SAMD3: variants seen among roughly 807,000 people sequenced by gnomAD.
SAMD3 encodes the protein sterile alpha motif domain-containing protein 3.
Under a neutral mutation model 58.5 loss-of-function variants are expected in SAMD3, and 63 were observed. That is an observed-to-expected ratio of 1.08 (90% confidence interval 0.88 to 1.33). The LOEUF is 1.33. Among genes scored for constraint, SAMD3 ranks in the 40% most tolerant of loss-of-function variants. The pLI is 0.00. For missense variants in SAMD3, 604 were observed against 608.4 expected (o/e 0.99, Z 0.08); for synonymous variants, 220 against 210.3 (o/e 1.05, Z -0.40).
intron 1 of SAMD3, among the ~76,000 whole-genome samples, chr6:130,220,671 T>G (rs908952936): frequency 6.6e-6 from 1 of 152,206 alleles, no homozygotes; most frequent in African/African-American, 2.4e-5. Flanking sequence ...TTACTTACTA[T>G]GAGGCTAGTT....
chr6:130,192,289 C>A (rs1325464825), intron 5 of SAMD3, among the ~76,000 whole-genome samples: 2 of 152,154 alleles, frequency 1.3e-5, no homozygotes, highest in Non-Finnish European at 2.9e-5. Flanking sequence ...CTTGTGTTTT[C>A]TTTTCTTTTT....
chr6:130,269,848 T>C (rs6935902), intron 2 of SAMD3, among the ~76,000 whole-genome samples: 47,073 of 151,602 alleles, frequency 0.31, 7,683 homozygotes, highest in East Asian at 0.47. Flanking sequence ...AACTTAGTGG[T>C]ACAGGCTTCC....
chr6:130,296,362 A>AGTCCATGG (rs1477483718), intron 2 of SAMD3, among the ~76,000 whole-genome samples: 1 of 152,194 alleles, frequency 6.6e-6, no homozygotes, highest in African/African-American at 2.4e-5. Flanking sequence ...GGAAACTCAG[A>AGTCCATGG]GTCCATGGAA....
chr6:130,354,958 C>T (rs767173424), intron 1 of SAMD3, among the ~76,000 whole-genome samples: 5 of 152,232 alleles, frequency 3.3e-5, no homozygotes, highest in Admixed American at 2.6e-4. Context: ...CAGAGCCACA[C>T]TCCCCTTGGG....
intron 1 of SAMD3, among the ~76,000 whole-genome samples, chr6:130,324,221 C>G (rs1445305984): frequency 6.6e-6 from 1 of 152,064 alleles, no homozygotes; most frequent in Admixed American, 6.5e-5. Context: ...GGATAGCAGG[C>G]TTTTTAAATT....
At chr6:130,214,305 A>G in intron 4 of SAMD3, 32 bp downstream of exon 4, 1 of 1,501,078 alleles carries the variant, frequency 6.7e-7, no homozygotes, top group Non-Finnish European at 8.9e-7. Context: ...AGCTTGGGAA[A>G]AAAAAATAAG....
chr6:130,293,752 T>G (rs1324282915), intron 2 of SAMD3, among the ~76,000 whole-genome samples: 1 of 151,656 alleles, frequency 6.6e-6, no homozygotes, highest in East Asian at 1.9e-4. Flanking sequence ...GTCACCAGAT[T>G]TAGGGGCACT....
intron 1 of SAMD3, among the ~76,000 whole-genome samples, chr6:130,333,814 C>T (rs947738135): frequency 1.3e-5 from 2 of 152,186 alleles, no homozygotes; most frequent in Admixed American, 6.5e-5. Context: ...TATAGTCACG[C>T]TTCAAGCCTG....
At chr6:130,242,223 C>A (rs1773383989) in intron 2 of SAMD3, among the ~76,000 whole-genome samples, 1 of 152,036 alleles carries the variant, frequency 6.6e-6, no homozygotes, top group Non-Finnish European at 1.5e-5. Flanking sequence ...TATAAAGGGC[C>A]AAAGAATAAA....
At chr6:130,254,754 A>G (rs1296320108) in intron 2 of SAMD3, among the ~76,000 whole-genome samples, 2 of 152,194 alleles carry the variant, frequency 1.3e-5, no homozygotes, top group Non-Finnish European at 2.9e-5. Context: ...TTTGGAATCA[A>G]GGTAATAGTG....
At chr6:130,201,182 T>A (rs920476694) in intron 5 of SAMD3, among the ~76,000 whole-genome samples, 15 of 152,322 alleles carry the variant, frequency 9.8e-5, no homozygotes, top group Middle Eastern at 3.4e-3. Flanking sequence ...TCCTTTCATT[T>A]TTCTCCAATC....
intron 1 of SAMD3, among the ~76,000 whole-genome samples, chr6:130,347,595 G>T (rs370577917): frequency 6.6e-6 from 1 of 152,236 alleles, no homozygotes. Flanking sequence ...CCAAATCTAC[G>T]TCTGATTGGT....
chr6:130,317,764 C>A (rs9492546), intron 1 of SAMD3, among the ~76,000 whole-genome samples: 64,647 of 152,038 alleles, frequency 0.43, 15,362 homozygotes, highest in African/African-American at 0.64. Flanking sequence ...CATTGTGTGC[C>A]GGCAACAAAG....
intron 1 of SAMD3, among the ~76,000 whole-genome samples, chr6:130,347,007 G>A (rs1033506372): frequency 2.6e-5 from 4 of 152,206 alleles, no homozygotes; most frequent in Non-Finnish European, 5.9e-5. Context: ...CAACAGACCT[G>A]CAGCTGAGGG....
At chr6:130,295,301 G>T (rs570545035) in intron 2 of SAMD3, among the ~76,000 whole-genome samples, 1 of 152,240 alleles carries the variant, frequency 6.6e-6, no homozygotes, top group South Asian at 2.1e-4. Context: ...CTCAAGTTGG[G>T]CTTCACTATT....
chr6:130,241,987 G>A lies in SAMD3; in HGVS notation c.-187-19174C>T, dbSNP rs1186593443. 2.0e-5 allele frequency among the ~76,000 whole-genome samples: 3 copies of A among 151,942 alleles called. No individual in the cohort carries two copies. In the East Asian group the frequency reaches 5.8e-4, roughly 29 times the overall value. The stretch of plus-strand genomic sequence containing the variant: ...ATTTAAGAGACCTGATATTTTTCAG[G>A]ATCAAATCCATTCGTTTAATGTAGC... On this transcript the variant is annotated intron_variant, in intron 2 of 13. Coordinates refer to the SAMD3 transcript ENST00000368134.
intron 1 of SAMD3, among the ~76,000 whole-genome samples, chr6:130,349,462 A>G (rs1485390493): frequency 1.3e-5 from 2 of 152,232 alleles, no homozygotes; most frequent in Admixed American, 6.5e-5. Flanking sequence ...CTATGCAAAT[A>G]AACTAGACAA....
intron 9 of SAMD3, among the ~76,000 whole-genome samples, chr6:130,150,887 T>G (rs1166226682): frequency 1.3e-5 from 2 of 152,032 alleles, no homozygotes; most frequent in African/African-American, 4.8e-5. Context: ...AATTTTTGTA[T>G]TTTTAGTAGA....
intron 2 of SAMD3, among the ~76,000 whole-genome samples, chr6:130,298,789 C>A (rs1775653021): frequency 6.6e-6 from 1 of 151,900 alleles, no homozygotes; most frequent in East Asian, 1.9e-4. Flanking sequence ...GGAGAAAGAT[C>A]AATCACACAA....
Sources: gnomAD v4.1 joint callset for allele counts (sites outside exome capture counted in the v4.1 genomes callset) on GRCh38, gnomAD v4.1.1 for gene constraint, MANE v1.5 for transcripts, NCBI Gene and HGNC (gene_info 2026-07-23, HGNC 2026-07-21) for gene names.